Variants in RBM6 observed in about 807,000 individuals in gnomAD.
RBM6 encodes RNA-binding protein 6.
A neutral mutation model predicts 140.4 loss-of-function variants in RBM6; 23 were observed. The observed-to-expected ratio is 0.16, with a 90% CI of 0.12 to 0.23. The LOEUF (loss-of-function observed/expected upper bound fraction) is 0.23. Ranked by LOEUF, RBM6 falls within the 10% of genes least tolerant of loss-of-function variation. The pLI is 1.00. For missense variants in RBM6, 1,139 were observed against 1,386.7 expected (o/e 0.82, Z 2.84); for synonymous variants, 439 against 475.6 (o/e 0.92, Z 1.00).
intron 1 of RBM6, among the ~76,000 whole-genome samples, chr3:49,955,672 G>A (rs1035340079): frequency 7.2e-5 from 11 of 151,902 alleles, no homozygotes; most frequent in Admixed American, 4.6e-4. Context: ...GTGAAACCTC[G>A]TCTGTACTAA....
chr3:50,011,426 G>T lies in RBM6; in HGVS notation c.1557+11913G>T, dbSNP rs192594884. Among the ~76,000 whole-genome samples, 462 of 152,280 alleles carry T rather than the reference G, an allele frequency of 3.0e-3. 6 individuals are homozygous for T. Among genetic ancestry groups the T allele is most frequent in the Non-Finnish European group, 5.1e-4 (35 of 68,022 alleles). Reference sequence around the variant, plus strand: ...AAAAATAAAGGACTATTTTGAAGTAGACCGAAAATGAAAATAACATTAAGA... The same window carrying T: ...AAAAATAAAGGACTATTTTGAAGTATACCGAAAATGAAAATAACATTAAGA... On this transcript the variant is annotated intron_variant, in intron 6 of 20. Transcript: ENST00000266022.
chr3:50,052,157 CA>C (rs1244639146), intron 7 of RBM6, among the ~76,000 whole-genome samples: 14 of 152,194 alleles, frequency 9.2e-5, no homozygotes, highest in African/African-American at 3.4e-4. Flanking sequence ...CTCCACCTCC[CA>C]GGTTCAAGTG....
intron 6 of RBM6, among the ~76,000 whole-genome samples, chr3:50,036,749 A>G (rs924340787): frequency 6.6e-6 from 1 of 152,070 alleles, no homozygotes; most frequent in Admixed American, 6.6e-5. Flanking sequence ...CTTGTATCCC[A>G]TGTATCCCAG....
At chr3:50,062,131 T>C (rs1195863677) in intron 15 of RBM6, 23 bp downstream of exon 15, 1 of 1,607,482 alleles carries the variant, frequency 6.2e-7, no homozygotes, top group Non-Finnish European at 8.5e-7. Context: ...GTTAATTTGC[T>C]GTCTTTTGCC....
At chr3:49,980,250 C>T (rs770131021) in intron 5 of RBM6, among the ~76,000 whole-genome samples, 2 of 151,832 alleles carry the variant, frequency 1.3e-5, no homozygotes, top group Non-Finnish European at 2.9e-5. Flanking sequence ...GGTGATCTGC[C>T]CACCTTGGCC....
intron 7 of RBM6, 98 bp from the exon 8 acceptor site, chr3:50,054,237 G>A (rs1181404103): frequency 2.0e-6 from 2 of 975,698 alleles, no homozygotes; most frequent in African/African-American, 3.2e-5. Context: ...TCTGGGATAT[G>A]GCTTGTTTCT....
At chr3:50,065,640 A>G in intron 16 of RBM6, 1 of 457,032 alleles carries the variant, frequency 2.2e-6, no homozygotes, top group Non-Finnish European at 4.4e-6. Context: ...CAGGTATATA[A>G]CAATAGTGAC....
intron 10 of RBM6, 86 bp downstream of exon 10, chr3:50,058,648 C>G (rs1282164693): frequency 7.1e-7 from 1 of 1,399,574 alleles, no homozygotes; most frequent in Non-Finnish European, 9.9e-7. Context: ...GGCCTGGTGG[C>G]TTACGCCTGT....
At chr3:49,964,067 A>AT (rs1396239863) in intron 2 of RBM6, among the ~76,000 whole-genome samples, 4 of 151,884 alleles carry the variant, frequency 2.6e-5, no homozygotes, top group Non-Finnish European at 5.9e-5. Flanking sequence ...TGCCTGGCTA[A>AT]TTATTGTATT....
At chr3:50,076,399 G>A (rs960565156) in intron 20 of RBM6, among the ~76,000 whole-genome samples, 8 of 151,508 alleles carry the variant, frequency 5.3e-5, no homozygotes, top group African/African-American at 1.5e-4. Context: ...TGACCAATAT[G>A]ATGAAACCCC....
intron 20 of RBM6, 150 bp from the exon 21 acceptor site, chr3:50,076,858 C>A: frequency 1.5e-6 from 1 of 667,250 alleles, no homozygotes; most frequent in Non-Finnish European, 2.2e-6. Context: ...CACTCTAGCC[C>A]GGGCGACAGA....
At chr3:49,941,181 C>T (rs2083266786) in intron 1 of RBM6, 1 of 152,082 alleles carries the variant, frequency 6.6e-6, no homozygotes, top group Non-Finnish European at 1.5e-5. Context: ...CGAGAGGTGT[C>T]AAGAGCTGGT....
chr3:49,989,537 C>T (rs1461736747), intron 5 of RBM6, among the ~76,000 whole-genome samples: 1 of 152,094 alleles, frequency 6.6e-6, no homozygotes, highest in Non-Finnish European at 1.5e-5. Context: ...TGCCATTGCA[C>T]TCTAGCCTGG....
At chr3:49,952,089 C>T (rs2083761848) in intron 1 of RBM6, among the ~76,000 whole-genome samples, 1 of 151,842 alleles carries the variant, frequency 6.6e-6, no homozygotes, top group East Asian at 1.9e-4. Context: ...GGCTAGAATG[C>T]AGTGGCACGA....
At chr3:49,965,374 A>G (rs1431689602) in intron 2 of RBM6, among the ~76,000 whole-genome samples, 6 of 152,348 alleles carry the variant, frequency 3.9e-5, no homozygotes, top group South Asian at 2.1e-4. Flanking sequence ...TGTATTGCCT[A>G]AGAAGAACAT....
chr3:49,951,048 A>G (rs2083707060), intron 1 of RBM6, among the ~76,000 whole-genome samples: 1 of 152,204 alleles, frequency 6.6e-6, no homozygotes, highest in African/African-American at 2.4e-5. Context: ...CATATGCTAC[A>G]ACATGGATGA....
chr3:49,975,005 A>T (rs1264786462), intron 4 of RBM6, among the ~76,000 whole-genome samples: 4 of 139,168 alleles, frequency 2.9e-5, no homozygotes, highest in East Asian at 2.1e-4. Context: ...CTAATTAAGA[A>T]TTTTTTTTTT....
chr3:50,006,588 T>A (rs1227415384), intron 6 of RBM6, among the ~76,000 whole-genome samples: 2 of 152,196 alleles, frequency 1.3e-5, no homozygotes, highest in African/African-American at 4.8e-5. Flanking sequence ...TTTAACGTAC[T>A]CTCACACACA....
chr3:49,997,644 C>T (rs556068285), intron 5 of RBM6, among the ~76,000 whole-genome samples: 1 of 152,176 alleles, frequency 6.6e-6, no homozygotes, highest in East Asian at 1.9e-4. Flanking sequence ...TGTTCCATGG[C>T]TAACCCTTTC....
Sources: allele counts gnomAD v4.1 joint callset (sites outside exome capture counted in the v4.1 genomes callset), GRCh38; gene constraint gnomAD v4.1.1; transcripts MANE v1.5; gene names NCBI Gene and HGNC (gene_info 2026-07-23, HGNC 2026-07-21).